Variants in ANKRD36B observed in about 807,000 individuals in gnomAD.
ANKRD36B encodes the protein ankyrin repeat domain 36B.
A neutral mutation model predicts 135.7 loss-of-function variants in ANKRD36B; 37 were observed. The ratio of observed to expected loss-of-function variants is 0.27; its 90% CI spans 0.21 to 0.36. ANKRD36B has a LOEUF of 0.36. ANKRD36B is among the 10% of genes least tolerant of loss of function. The pLI is 1.00. For missense variants in ANKRD36B, 549 were observed against 1,037.1 expected, an observed-to-expected ratio of 0.53 and a Z score of 6.46; for synonymous variants, 179 against 348.1, an observed-to-expected ratio of 0.51 and a Z score of 5.41.
intron 6 of ANKRD36B, among the ~76,000 whole-genome samples, chr2:97,562,070 T>C (rs1222556657): frequency 1.3e-5 from 2 of 151,978 alleles, no homozygotes; most frequent in Non-Finnish European, 1.5e-5. Context: ...CTGATGTTTT[T>C]ACATTTCCTG....
chr2:97,587,258 C>T lies in ANKRD36B; in HGVS notation c.162-1860G>A, dbSNP rs577989265. On this transcript the variant is annotated intron_variant, in intron 1 of 43. Coordinates refer to ENST00000359901, the MANE Select transcript of ANKRD36B (RefSeq NM_001393939.1). ...TTGCAAGATTTATATTTCTTCTTTT[C>T]CCAAGGATAATTTCATTAATAAAAA... 3.2e-3 allele frequency among the ~76,000 whole-genome samples: 488 copies of T among 152,160 alleles called. 3 individuals carry two copies. The highest frequency in any genetic ancestry group is 0.011 in the African/African-American group (443 of 41,486).
intron 1 of ANKRD36B, 120 bp downstream of exon 1, chr2:97,589,405 C>T: frequency 3.3e-6 from 2 of 602,608 alleles, no homozygotes; most frequent in Non-Finnish European, 5.1e-6. Context: ...CAGGCACCCC[C>T]TAGCCCCCGT....
At chr2:97,568,526 C>T (rs2081606166) in intron 6 of ANKRD36B, among the ~76,000 whole-genome samples, 1 of 152,082 alleles carries the variant, frequency 6.6e-6, no homozygotes, top group Non-Finnish European at 1.5e-5. Context: ...ATTCATTCAC[C>T]CTATGTAAGG....
intron 28 of ANKRD36B, among the ~76,000 whole-genome samples, chr2:97,541,006 A>T (rs532431024): frequency 1.0e-5 from 1 of 96,132 alleles, no homozygotes; most frequent in East Asian, 2.3e-4. Flanking sequence ...ACATTCACAA[A>T]TCACTCCAAT....
intron 6 of ANKRD36B, among the ~76,000 whole-genome samples, chr2:97,564,978 C>T (rs2081325154): frequency 6.6e-6 from 1 of 152,074 alleles, no homozygotes; most frequent in South Asian, 2.1e-4. Flanking sequence ...TGGCCATTTT[C>T]AAGATATTGA....
chr2:97,589,671 G>C lies in ANKRD36B; in HGVS notation c.15C>G (p.Cys5Trp), dbSNP rs1220414273. 1.2e-6 allele frequency: 2 copies of C among 1,614,190 alleles called. No individual in the cohort carries two copies. Among genetic ancestry groups the C allele is most frequent in the Non-Finnish European group, 1.7e-6 (2 of 1,180,020 alleles). MERL[C>W]SDGFAFPHYY... ...AATGGGGAAATGCGAAGCCATCCGA[G>C]CACAAGCGCTCCATGAGGGTGGGCC... Residue 5 changes from cysteine to tryptophan, a missense_variant, in exon 1 of 44, where the codon TGC becomes TGG. Cys to Trp is a radical substitution (Grantham distance 215). Transcript: ENST00000359901.
At chr2:97,552,637 T>C (rs1368083544) in intron 16 of ANKRD36B, among the ~76,000 whole-genome samples, 1 of 151,910 alleles carries the variant, frequency 6.6e-6, no homozygotes, top group African/African-American at 2.4e-5. Context: ...TCAGATTTCC[T>C]CAGCAGAAAA....
intron 1 of ANKRD36B, among the ~76,000 whole-genome samples, chr2:97,587,223 T>A (rs1185687667): frequency 6.6e-6 from 1 of 151,964 alleles, no homozygotes; most frequent in Non-Finnish European, 1.5e-5. Flanking sequence ...AAACTGAGAA[T>A]TTTTTTTCTT....
intron 16 of ANKRD36B, 28 bp from the exon 17 acceptor site, chr2:97,551,508 C>G (rs1217922550): frequency 6.2e-7 from 1 of 1,607,152 alleles, no homozygotes. Flanking sequence ...TACATAATCA[C>G]TCATATGTAA....
rs2078999423 is a variant in ANKRD36B at position 97,538,486 on chromosome 2, T to C, written c.1988-123A>G. ...TGTACTAGTGTAGGATTTGATGTTTTACAGTTTGTGTCTTTGGGACAGGAA... is the reference window on the plus strand; with the variant it reads ...TGTACTAGTGTAGGATTTGATGTTTCACAGTTTGTGTCTTTGGGACAGGAA... On this transcript the variant is annotated intron_variant, in intron 30 of 43. Coordinates refer to ENST00000359901, the MANE Select transcript of ANKRD36B (RefSeq NM_001393939.1). 5.0e-5 allele frequency: 26 copies of C among 524,342 alleles called. 5 individuals carry two copies. Among genetic ancestry groups the C allele is most frequent in the South Asian group, 4.9e-4 (26 of 52,786 alleles). The allele number at this position is 524,342 out of a possible 1,614,324, so 32.5% of individuals were successfully genotyped here. A position where few individuals can be genotyped will look rare whatever the true frequency, so the allele number is the denominator to read the frequency against.
chr2:97,570,861 G>A lies in ANKRD36B; in HGVS notation c.763+5518C>T, dbSNP rs151242894. The stretch of plus-strand genomic sequence containing the variant: ...GTGGTCTTGGAAACTCTGACATAGT[G>A]GCATTATATGAAATTAGTTTTCTTT... On this transcript the variant is annotated intron_variant, in intron 6 of 43. Coordinates refer to ENST00000359901, the MANE Select transcript of ANKRD36B (RefSeq NM_001393939.1). Among the ~76,000 whole-genome samples the A allele has an allele frequency of 1.0e-3, 158 of 152,266 alleles. 4 individuals carry two copies. In the East Asian group the frequency reaches 0.013, roughly 12 times the overall value.
intron 16 of ANKRD36B, among the ~76,000 whole-genome samples, chr2:97,551,916 T>A (rs1359241010): frequency 6.6e-6 from 1 of 152,050 alleles, no homozygotes; most frequent in East Asian, 2.0e-4. Context: ...GCTCTTTAAC[T>A]TGCCCAATAT....
intron 8 of ANKRD36B, among the ~76,000 whole-genome samples, chr2:97,559,400 T>C (rs6718109): frequency 0.56 from 84,442 of 151,648 alleles, 25,140 homozygotes; most frequent in Non-Finnish European, 0.67. Context: ...ATACTACAGA[T>C]GTTCATTATG....
intron 36 of ANKRD36B, among the ~76,000 whole-genome samples, chr2:97,516,192 TAAAAAAAAAA>T (rs1159226772): frequency 8.9e-5 from 3 of 33,526 alleles, no homozygotes; most frequent in African/African-American, 2.5e-4. Context: ...ATAGGTCCTG[TAAAAAAAAAA>T]AAAAAAAAAA....
In ANKRD36B at chr2:97,585,060, G is replaced by T; in HGVS notation, c.334C>A (p.Pro112Thr). The T allele has an allele frequency of 2.5e-6, 4 of 1,612,596 alleles. No individual in the cohort carries two copies. The highest frequency in any genetic ancestry group is 3.4e-6 in the Non-Finnish European group (4 of 1,179,814). The change falls in exon 3 of 44, where the codon CCA (proline) becomes ACA (threonine). Residue 112 changes from proline to threonine, a missense_variant. Pro to Thr is a conservative substitution (Grantham distance 38, BLOSUM62 -1). Coordinates refer to ENST00000359901, the MANE Select transcript of ANKRD36B (RefSeq NM_001393939.1). ...CTTCCAAAGACATCCGTAATATTTGGATCGGCGCCATTTTGCAGCAGAAGA... is the reference window on the plus strand; with the variant it reads ...CTTCCAAAGACATCCGTAATATTTGTATCGGCGCCATTTTGCAGCAGAAGA... Reference protein sequence around the residue: ...ATLLLQNGADPNITDVFGRTA... With the variant: ...ATLLLQNGADTNITDVFGRTA...
At chr2:97,554,916 G>A (rs540794965) in intron 14 of ANKRD36B, 144 bp downstream of exon 14, 274 of 1,096,756 alleles carry the variant, frequency 2.5e-4, no homozygotes, top group Non-Finnish European at 3.5e-4. Context: ...AGCATCACCC[G>A]AGAACTTATT....
rs756430148 is a variant in ANKRD36B, at chr2:97,553,207, T to C, written c.1234A>G (p.Ile412Val). 1.2e-6 allele frequency: 2 copies of C among 1,611,396 alleles called. No individual in the cohort carries two copies. The highest frequency in any genetic ancestry group is 2.2e-5 in the South Asian group (2 of 90,772). The change falls in exon 16 of 44, where the codon ATA (isoleucine) becomes GTA (valine). Residue 412 changes from isoleucine (I) to valine (V), a missense_variant. Physicochemically the swap from Ile to Val is conservative, Grantham distance 29. Coordinates refer to ENST00000359901, the MANE Select transcript of ANKRD36B (RefSeq NM_001393939.1). ...TTDEEGSVSN[I>V]ATEIKDGEKS... ...TCTCCATCCTTTATTTCTGTGGCTA[T>C]ATTAGAAACAGAACCTTCCTCGTCA...
At chr2:97,566,798 CACACCGCAACAACAA>C (rs2081469511) in intron 6 of ANKRD36B, among the ~76,000 whole-genome samples, 1 of 152,124 alleles carries the variant, frequency 6.6e-6, no homozygotes, top group African/African-American at 2.4e-5. Context: ...CCTCTTCTCT[CACACCGCAACAACAA>C]TCATCAGCAC....
In ANKRD36B at chr2:97,556,986, A is replaced by C; in HGVS notation, c.1020T>G (p.Ser340=). 6.3e-7 allele frequency: 1 copy of C among 1,578,486 alleles called. No homozygotes were observed. Among genetic ancestry groups the C allele is most frequent in the South Asian group, 1.2e-5 (1 of 86,432 alleles). The change falls in exon 12 of 44, where the codon TCT becomes TCG. Residue 340 remains serine, a synonymous_variant. Coordinates refer to ENST00000359901, the MANE Select transcript of ANKRD36B (RefSeq NM_001393939.1). ...AQKVIFKKKV[S]LLNIATRIMG... is the part of the protein sequence containing the mutation. ...TTATTCTTGTGGCAATATTCAAAAG[A>C]GAAACTTTCTTTTTAAATATAACCT... is the stretch of plus-strand genomic sequence containing the variant.
Sources: allele counts gnomAD v4.1 joint callset (sites outside exome capture counted in the v4.1 genomes callset), GRCh38; gene constraint gnomAD v4.1.1; transcripts MANE v1.5; gene names NCBI Gene and HGNC (gene_info 2026-07-23, HGNC 2026-07-21).